SLC60A1: variants seen among roughly 807,000 people sequenced by gnomAD.
The protein encoded by SLC60A1 is solute carrier family 60 member 1.
At chr1:205,577,433 C>T in the SLC60A1 span, among the ~76,000 whole-genome samples, 5 of 152,196 alleles carry the variant, frequency 3.3e-5, no homozygotes, top group Admixed American at 6.5e-5. This position sits in a 1 kb window ranked among gnomAD's most constrained non-coding sequence, Gnocchi z 5.2. Context: ...CCACAATGAA[C>T]AGGCAGAGGC....
the SLC60A1 span, among the ~76,000 whole-genome samples, chr1:205,594,247 C>T: frequency 7.4e-4 from 112 of 152,356 alleles, no homozygotes; most frequent in African/African-American, 2.6e-3. Flanking sequence ...TCCTCCCTCA[C>T]GCATCAGTCT....
chr1:205,580,806 G>A, the SLC60A1 span: 15 of 1,614,138 alleles, frequency 9.3e-6, no homozygotes, highest in Non-Finnish European at 1.3e-5. This position sits in a 1 kb window ranked among gnomAD's most constrained non-coding sequence, Gnocchi z 5.0. Context: ...AGGGTGCTGG[G>A]CCAGCACCAC....
At chr1:205,601,276 T>TA in the SLC60A1 span, 1 of 152,254 alleles carries the variant, frequency 6.6e-6, no homozygotes, top group Admixed American at 6.5e-5. Flanking sequence ...AATTACTATA[T>TA]ATGATGGTGT....
At chr1:205,580,465 A>C in the SLC60A1 span, among the ~76,000 whole-genome samples, 1 of 151,474 alleles carries the variant, frequency 6.6e-6, no homozygotes, top group African/African-American at 2.4e-5. This position sits in a 1 kb window ranked among gnomAD's most constrained non-coding sequence, Gnocchi z 5.0. Flanking sequence ...GTCACTCCTC[A>C]CCTCCCCTCA....
the SLC60A1 span, chr1:205,585,073 G>A: frequency 1.7e-6 from 2 of 1,177,930 alleles, no homozygotes; most frequent in African/African-American, 3.1e-5. This position sits in a 1 kb window ranked among gnomAD's most constrained non-coding sequence, Gnocchi z 4.2. Flanking sequence ...GAGAAAGAGA[G>A]GAGCATGAAG....
chr1:205,598,846 C>CAGTGATGA, the SLC60A1 span: 1 of 446,038 alleles, frequency 2.2e-6, no homozygotes, highest in Non-Finnish European at 4.0e-6. Context: ...ACTGGAGCTT[C>CAGTGATGA]AGTGATGATA....
chr1:205,569,413 C>G, the SLC60A1 span: 1 of 643,682 alleles, frequency 1.6e-6, no homozygotes, highest in Non-Finnish European at 2.1e-6. Context: ...CGTGGGGCTG[C>G]CCGTCGCCCC....
the SLC60A1 span, chr1:205,586,117 C>T: frequency 6.2e-7 from 1 of 1,613,716 alleles, no homozygotes; most frequent in Non-Finnish European, 8.5e-7. Context: ...ACCTCCCCAG[C>T]CTCTTCTGGG....
chr1:205,593,375 G>C, the SLC60A1 span, among the ~76,000 whole-genome samples: 1 of 115,852 alleles, frequency 8.6e-6, no homozygotes, highest in Non-Finnish European at 1.7e-5. Flanking sequence ...GGAGGCTGAG[G>C]CAGGAGAATG....
the SLC60A1 span, chr1:205,600,151 A>C: frequency 1.9e-5 from 8 of 421,192 alleles, no homozygotes; most frequent in Middle Eastern, 1.2e-3. Flanking sequence ...TTTGCTGAAC[A>C]TTAAATGAAT....
the SLC60A1 span, chr1:205,592,274 G>A: frequency 6.2e-7 from 1 of 1,613,688 alleles, no homozygotes; most frequent in South Asian, 1.1e-5. Flanking sequence ...CGGAGGACTC[G>A]CTGCAGTACA....
the SLC60A1 span, among the ~76,000 whole-genome samples, chr1:205,590,638 C>G: frequency 6.6e-6 from 1 of 152,192 alleles, no homozygotes; most frequent in African/African-American, 2.4e-5. Flanking sequence ...CTCCCAGGAT[C>G]GGCTCCCAAC....
At chr1:205,587,167 TGTCTA>T in the SLC60A1 span, among the ~76,000 whole-genome samples, 1 of 152,088 alleles carries the variant, frequency 6.6e-6, no homozygotes, top group Non-Finnish European at 1.5e-5. Context: ...TCTGCCAAAT[TGTCTA>T]GTCCAACCTC....
the SLC60A1 span, chr1:205,600,305 G>A: frequency 1.6e-6 from 2 of 1,232,044 alleles, no homozygotes; most frequent in Non-Finnish European, 2.3e-6. Flanking sequence ...GCCACAGAAT[G>A]GCAGAGAAAC....
chr1:205,574,138 A>T, the SLC60A1 span, among the ~76,000 whole-genome samples: 3 of 151,898 alleles, frequency 2.0e-5, no homozygotes, highest in East Asian at 3.9e-4. Flanking sequence ...TTATATATCA[A>T]TTTTTTTTAA....
At chr1:205,582,420 T>C in the SLC60A1 span, among the ~76,000 whole-genome samples, 4 of 152,244 alleles carry the variant, frequency 2.6e-5, no homozygotes, top group Admixed American at 6.5e-5. Context: ...CACACACACA[T>C]GTGCACCCCA....
At chr1:205,592,139 G>A in the SLC60A1 span, 1 of 1,614,022 alleles carries the variant, frequency 6.2e-7, no homozygotes, top group Non-Finnish European at 8.5e-7. Context: ...TGCCGCGACA[G>A]GTTGGCGTGG....
chr1:205,600,293 G>A, the SLC60A1 span: 1 of 1,121,838 alleles, frequency 8.9e-7, no homozygotes, highest in Non-Finnish European at 1.3e-6. Context: ...GCTCCCTCTA[G>A]AGCCACAGAA....
At chr1:205,584,897 G>T in the SLC60A1 span, 3 of 1,614,068 alleles carry the variant, frequency 1.9e-6, no homozygotes, top group Non-Finnish European at 2.5e-6. Context: ...CTGTTCAGCT[G>T]CTGCCAAAGG....
Sources: gnomAD v4.1 joint callset for allele counts (sites outside exome capture counted in the v4.1 genomes callset) on GRCh38, gnomAD v4.1.1 for gene constraint, Gnocchi (gnomAD v3.1) non-coding constraint, MANE v1.5 for transcripts, NCBI Gene and HGNC (gene_info 2026-07-23, HGNC 2026-07-21) for gene names.